NELL1: variants seen among roughly 807,000 people sequenced by gnomAD.
The protein encoded by NELL1 is protein kinase C-binding protein NELL1.
A neutral mutation model predicts 107.4 loss-of-function variants in NELL1; 76 were observed. That is an observed-to-expected ratio of 0.71 (90% CI 0.59 to 0.86). The LOEUF (loss-of-function observed/expected upper bound fraction) is 0.86. NELL1 is among the 40% of genes least tolerant of loss of function. The pLI is 0.00. For missense variants in NELL1, 1,024 were observed against 1,005.5 expected (o/e 1.02, Z -0.25); for synonymous variants, 353 against 341.2 (o/e 1.03, Z -0.38).
intron 2 of NELL1, chr11:20,770,908 G>C (rs1389938858): frequency 6.6e-6 from 1 of 151,102 alleles, no homozygotes; most frequent in Non-Finnish European, 1.5e-5. Flanking sequence ...AAGGTGAGAG[G>C]CTCCTGTATT....
At position 21,149,555 on chromosome 11, in the gene NELL1, CAT is replaced by C. The variant is rs1024221188; in HGVS notation, c.1426+35842_1426+35843del. On this transcript the variant is annotated intron_variant, in intron 13 of 19. Coordinates refer to ENST00000357134, the MANE Select transcript of NELL1 (RefSeq NM_006157.5). ...TGGGGGAATCCCCTCCCCTGCCCCACATGATTCATTTATCTCCACCTGACCCC... is the reference window on the plus strand; with the variant it reads ...TGGGGGAATCCCCTCCCCTGCCCCACGATTCATTTATCTCCACCTGACCCC... Among the ~76,000 whole-genome samples the C allele has an allele frequency of 4.5e-4, 68 of 152,324 alleles. 1 individual carries two copies. Among genetic ancestry groups the C allele is most frequent in the African/African-American group, 1.6e-3 (65 of 41,578 alleles).
At chr11:21,404,548 T>C (rs1852188570) in intron 15 of NELL1, among the ~76,000 whole-genome samples, 1 of 151,972 alleles carries the variant, frequency 6.6e-6, no homozygotes, top group African/African-American at 2.4e-5. Flanking sequence ...CCTAAAGATA[T>C]TGTGACTTGC....
chr11:21,386,352 A>G (rs1276024644), intron 15 of NELL1, among the ~76,000 whole-genome samples: 1 of 151,874 alleles, frequency 6.6e-6, no homozygotes, highest in Non-Finnish European at 1.5e-5. Context: ...GGATTTGCGT[A>G]TCATGTTCTG....
intron 2 of NELL1, among the ~76,000 whole-genome samples, chr11:20,682,019 A>C (rs1038867095): frequency 2.6e-5 from 4 of 152,132 alleles, no homozygotes; most frequent in Non-Finnish European, 5.9e-5. Flanking sequence ...CTCAAGATTC[A>C]TAATTTAATC....
At chr11:21,538,271 C>T (rs1312920366) in intron 16 of NELL1, among the ~76,000 whole-genome samples, 1 of 152,100 alleles carries the variant, frequency 6.6e-6, no homozygotes, top group Admixed American at 6.6e-5. Context: ...AGGATAATAG[C>T]ACCTTCACTA....
At chr11:20,934,569 T>C (rs1274311528) in intron 9 of NELL1, among the ~76,000 whole-genome samples, 1 of 152,202 alleles carries the variant, frequency 6.6e-6, no homozygotes, top group Non-Finnish European at 1.5e-5. Flanking sequence ...AGGCAGGTGA[T>C]CAAATGTGTT....
intron 3 of NELL1, among the ~76,000 whole-genome samples, chr11:20,839,351 G>C (rs1435131721): frequency 6.6e-6 from 1 of 152,148 alleles, no homozygotes; most frequent in South Asian, 2.1e-4. Flanking sequence ...TTTGCTAAGA[G>C]GATTGAGTAC....
chr11:20,689,971 A>C (rs1034444846), intron 2 of NELL1, among the ~76,000 whole-genome samples: 179 of 149,408 alleles, frequency 1.2e-3, no homozygotes, highest in African/African-American at 4.3e-3. Flanking sequence ...TTTTAATGAT[A>C]GCCATTCTAA....
chr11:21,246,855 G>A (rs1463313424), intron 14 of NELL1, among the ~76,000 whole-genome samples: 1 of 152,142 alleles, frequency 6.6e-6, no homozygotes, highest in Non-Finnish European at 1.5e-5. Flanking sequence ...AGCCAGAGAG[G>A]AGAAATCTCT....
At chr11:20,727,353 A>G in intron 2 of NELL1, among the ~76,000 whole-genome samples, 1 of 152,170 alleles carries the variant, frequency 6.6e-6, no homozygotes. Context: ...GCCAGTGATG[A>G]TGAGCATTTT....
chr11:21,193,278 G>A (rs1363445124), intron 13 of NELL1, among the ~76,000 whole-genome samples: 1 of 151,722 alleles, frequency 6.6e-6, no homozygotes, highest in African/African-American at 2.4e-5. Context: ...CTTTACATTT[G>A]TAATGTTCAG....
At position 20,815,147 on chromosome 11, in the gene NELL1, C is replaced by T. The variant is rs2134017886; in HGVS notation, c.335+31317C>T. 2.0e-5 allele frequency among the ~76,000 whole-genome samples: 3 copies of T among 152,258 alleles called. No homozygotes were observed. The Middle Eastern group carries it at 0.01, about 518-fold the overall frequency. On this transcript the variant is annotated intron_variant, in intron 3 of 19. Transcript: ENST00000357134. Reference sequence around the variant, plus strand: ...TGGTGTAATCTCCACTCACTGCAACCTCCACCTCCCGGGTTCAAGTGATTC... The same window carrying T: ...TGGTGTAATCTCCACTCACTGCAACTTCCACCTCCCGGGTTCAAGTGATTC...
chr11:21,300,082 GAAAAC>G (rs955719260), intron 14 of NELL1, among the ~76,000 whole-genome samples: 3 of 151,996 alleles, frequency 2.0e-5, no homozygotes, highest in African/African-American at 4.8e-5. Context: ...AGGAAGAAAG[GAAAAC>G]AAAACAAAAC....
intron 19 of NELL1, among the ~76,000 whole-genome samples, chr11:21,573,860 G>C (rs1439090684): frequency 2.6e-5 from 4 of 151,400 alleles, no homozygotes; most frequent in African/African-American, 9.8e-5. Context: ...TTATTAAACT[G>C]TCAATGTTAG....
intron 16 of NELL1, among the ~76,000 whole-genome samples, chr11:21,559,952 G>A (rs7119525): frequency 0.14 from 20,950 of 152,104 alleles, 1,538 homozygotes; most frequent in Middle Eastern, 0.18. Context: ...CAGTGGTCAT[G>A]TTATTTAAGT....
chr11:21,182,132 C>T (rs1856840715), intron 13 of NELL1, among the ~76,000 whole-genome samples: 1 of 151,800 alleles, frequency 6.6e-6, no homozygotes, highest in Non-Finnish European at 1.5e-5. Context: ...AGAGCCTGTG[C>T]TCTTAAGAAA....
chr11:20,946,253 T>C (rs906286636), intron 10 of NELL1, among the ~76,000 whole-genome samples: 16 of 152,310 alleles, frequency 1.1e-4, no homozygotes, highest in African/African-American at 2.4e-4. Context: ...TCCACCTGTG[T>C]TGGGAACTAC....
chr11:21,017,162 G>A (rs1852584464), intron 12 of NELL1, among the ~76,000 whole-genome samples: 1 of 152,074 alleles, frequency 6.6e-6, no homozygotes, highest in Admixed American at 6.6e-5. Flanking sequence ...GATAGCCAAT[G>A]ACGGGCACTG....
chr11:21,261,190 CTTTT>C (rs557275008), intron 14 of NELL1, among the ~76,000 whole-genome samples: 1 of 141,922 alleles, frequency 7.0e-6, no homozygotes, highest in Non-Finnish European at 1.6e-5. Context: ...ATGAAATGGC[CTTTT>C]TTTTTTTTAC....
Sources: gnomAD v4.1 joint callset for allele counts (sites outside exome capture counted in the v4.1 genomes callset) on GRCh38, gnomAD v4.1.1 for gene constraint, MANE v1.5 for transcripts, NCBI Gene and HGNC (gene_info 2026-07-23, HGNC 2026-07-21) for gene names.